The following SRGAP3 variants were observed in gnomAD, a reference collection of about 807,000 sequenced individuals.
SRGAP3 encodes the protein SLIT-ROBO Rho GTPase-activating protein 3.
SRGAP3 carries 39 observed loss-of-function variants against 121.1 expected under a neutral mutation model. The ratio of observed to expected loss-of-function variants is 0.32; its 90% CI spans 0.25 to 0.42. The LOEUF (loss-of-function observed/expected upper bound fraction) is 0.42, where lower values mean the gene tolerates loss of function less well. Ranked by LOEUF, SRGAP3 falls within the 10% of genes least tolerant of loss-of-function variation. SRGAP3 has a pLI of 1.00. For missense variants in SRGAP3, 1,213 were observed against 1,470.6 expected, an observed-to-expected ratio of 0.82 and a Z score of 2.86; for synonymous variants, 601 against 570.0, an observed-to-expected ratio of 1.05 and a Z score of -0.77.
At position 9,273,880 on chromosome 3, in the gene SRGAP3, T is replaced by G. The variant is rs968202089; in HGVS notation, n.442+52130A>C. ...TCTCCACTGAATGTTCTTGGCACCCTTGTTAAAAATCATTAGACCATATAC... is the reference window on the plus strand; with the variant it reads ...TCTCCACTGAATGTTCTTGGCACCCGTGTTAAAAATCATTAGACCATATAC... On this transcript the variant is annotated intron_variant and non_coding_transcript_variant, in intron 3 of 3. Transcript: ENST00000490889. Among the ~76,000 whole-genome samples, 13 of 152,278 alleles carry G rather than the reference T, an allele frequency of 8.5e-5. No homozygotes were observed. In the South Asian group the frequency reaches 2.5e-3, roughly 29 times the overall value.
chr3:9,347,738 C>T (rs966044724), intron 1 of SRGAP3, among the ~76,000 whole-genome samples: 2 of 152,176 alleles, frequency 1.3e-5, no homozygotes, highest in African/African-American at 4.8e-5. Context: ...GGAAGTCATG[C>T]TTTTAAAATG....
rs929770266 is a variant in SRGAP3, at chr3:9,164,555, G to T, written c.68-39638C>A. Among the ~76,000 whole-genome samples, 3 of 152,196 alleles carry T rather than the reference G, an allele frequency of 2.0e-5. No homozygotes were observed. In the South Asian group the frequency reaches 6.2e-4, roughly 32 times the overall value. On this transcript the variant is annotated intron_variant, in intron 1 of 21. Transcript: ENST00000383836. ...TCTACTCACCTCAGCCTCCCAAAGT[G>T]CTGGGATTATAGGTGTGAGCCACCG...
At position 9,124,739 on chromosome 3, in the gene SRGAP3, C is replaced by A; in HGVS notation, c.246G>T (p.Arg82=). ...CAACTTCTTACTTGAACTGGTGCTC[C>A]CGGGAGCTGCGGATTTTGGAGGAGA... ...ERFSSKIRSS[R]EHQFKKDQYL... is the part of the protein sequence containing the mutation. The change falls in exon 2 of 22, where the codon CGG becomes CGT. Residue 82 remains arginine (R), a synonymous_variant. Coordinates refer to ENST00000383836, the MANE Select transcript of SRGAP3 (RefSeq NM_014850.4). 1 of 1,614,102 alleles carries A rather than the reference C, an allele frequency of 6.2e-7. No individual in the cohort carries two copies. The highest frequency in any genetic ancestry group is 8.5e-7 in the Non-Finnish European group (1 of 1,180,044).
intron 1 of SRGAP3, among the ~76,000 whole-genome samples, chr3:9,345,951 G>C (rs1184957131): frequency 1.3e-5 from 2 of 152,260 alleles, no homozygotes; most frequent in South Asian, 2.1e-4. Context: ...TTAAATCCAA[G>C]TTCTTTAATT....
chr3:9,024,745 A>C (rs1944103716), intron 14 of SRGAP3, among the ~76,000 whole-genome samples: 1 of 152,246 alleles, frequency 6.6e-6, no homozygotes, highest in South Asian at 2.1e-4. Flanking sequence ...AAAACACTGC[A>C]TAAAAAATTA....
chr3:9,245,781 A>G (rs1273514852), intron 1 of SRGAP3, among the ~76,000 whole-genome samples: 1 of 152,072 alleles, frequency 6.6e-6, no homozygotes, highest in African/African-American at 2.4e-5. Flanking sequence ...AAAATTGGCC[A>G]CATGTGGTGG....
intron 6 of SRGAP3, chr3:9,058,993 CA>C (rs1945987223): frequency 6.0e-6 from 1 of 167,648 alleles, no homozygotes; most frequent in African/African-American, 2.4e-5. Flanking sequence ...GCTCAGATTA[CA>C]AGCGTGAGCC....
intron 3 of SRGAP3, among the ~76,000 whole-genome samples, chr3:9,302,689 T>C (rs548300683): frequency 6.6e-6 from 1 of 152,352 alleles, no homozygotes. Context: ...CGCCAGGTTC[T>C]TGCAGTGAGG....
chr3:9,071,767 A>C (rs1315594856), intron 4 of SRGAP3, among the ~76,000 whole-genome samples: 1 of 152,090 alleles, frequency 6.6e-6, no homozygotes, highest in Non-Finnish European at 1.5e-5. Context: ...GCATAGTTCT[A>C]CTGCCTCTGA....
chr3:9,265,066 A>G (rs1954328897), intron 3 of SRGAP3, among the ~76,000 whole-genome samples: 1 of 152,112 alleles, frequency 6.6e-6, no homozygotes, highest in African/African-American at 2.4e-5. Flanking sequence ...CAGAAATAAC[A>G]CCACACATCT....
At chr3:9,070,320 T>C (rs1946639222) in intron 4 of SRGAP3, among the ~76,000 whole-genome samples, 1 of 152,214 alleles carries the variant, frequency 6.6e-6, no homozygotes, top group African/African-American at 2.4e-5. Context: ...GACAGGGCTG[T>C]CCCTGGGCAC....
intron 13 of SRGAP3, 107 bp from the exon 14 acceptor site, chr3:9,025,445 C>T (rs1944147090): frequency 1.5e-5 from 19 of 1,242,752 alleles, no homozygotes; most frequent in South Asian, 1.2e-5. Context: ...CTCTTTCTCC[C>T]CCGATCCTTT....
chr3:9,233,512 G>GA (rs1559231195), intron 1 of SRGAP3, among the ~76,000 whole-genome samples: 1 of 152,068 alleles, frequency 6.6e-6, no homozygotes, highest in African/African-American at 2.4e-5. Context: ...CCCCTTTCTG[G>GA]AACCACTTTT....
chr3:9,109,487 G>A lies in SRGAP3; in HGVS notation c.261-4645C>T, dbSNP rs2124928792. ...AGCAGCCAAAGACTCAAGTTGAAGT[G>A]AGCAGCTGCTGTGAAGATTCCTTCC... On this transcript the variant is annotated intron_variant, in intron 2 of 21. Transcript: ENST00000383836. The surrounding 1 kb of genome is among the most constrained non-coding windows in gnomAD (Gnocchi z 4.4). Among the ~76,000 whole-genome samples, 1 of 152,312 alleles carries A rather than the reference G, an allele frequency of 6.6e-6. No individual in the cohort carries two copies. The highest frequency in any genetic ancestry group is 6.5e-5 in the Admixed American group (1 of 15,304).
chr3:9,260,419 G>A (rs1954230110), intron 3 of SRGAP3, among the ~76,000 whole-genome samples: 1 of 152,206 alleles, frequency 6.6e-6, no homozygotes. Flanking sequence ...ATCGCTGCCA[G>A]CACAGCACTC....
intron 1 of SRGAP3, among the ~76,000 whole-genome samples, chr3:9,186,586 C>T (rs1256794845): frequency 6.6e-6 from 1 of 152,146 alleles, no homozygotes; most frequent in African/African-American, 2.4e-5. Context: ...TATTACTTCG[C>T]CCATCTTGTA....
At chr3:9,013,871 C>T (rs767559475) in intron 15 of SRGAP3, 29 bp from the exon 16 acceptor site, 6 of 1,602,910 alleles carry the variant, frequency 3.7e-6, no homozygotes, top group Non-Finnish European at 3.4e-6. Context: ...TTTCAGCGTG[C>T]CTTTCATCCT....
chr3:8,999,452 C>T (rs1942616549), intron 18 of SRGAP3, among the ~76,000 whole-genome samples: 1 of 152,162 alleles, frequency 6.6e-6, no homozygotes, highest in Non-Finnish European at 1.5e-5. Context: ...CATGCCATTC[C>T]AGAGAACTCT....
chr3:9,060,212 G>A lies in SRGAP3; in HGVS notation c.801+19C>T. On this transcript the variant is annotated intron_variant, in intron 6 of 21. Transcript: ENST00000383836. ...CTGGTGTGGGCCCTGCTCAGTCCCA[G>A]ACTCCCCAGGGAGCTCACATCGATC... 6.2e-7 allele frequency: 1 copy of A among 1,613,802 alleles called. No individual in the cohort carries two copies. Among genetic ancestry groups the A allele is most frequent in the Non-Finnish European group, 8.5e-7 (1 of 1,179,828 alleles).
Sources: allele counts gnomAD v4.1 joint callset (sites outside exome capture counted in the v4.1 genomes callset), GRCh38; gene constraint gnomAD v4.1.1; non-coding constraint Gnocchi (gnomAD v3.1); transcripts MANE v1.5; gene names NCBI Gene and HGNC (gene_info 2026-07-23, HGNC 2026-07-21).